The following FLI1 variants were observed in gnomAD, a reference collection of about 807,000 sequenced individuals.
The protein encoded by FLI1 is Friend leukemia integration 1 transcription factor.
In FLI1, 13 loss-of-function variants were observed where a neutral mutation model predicts 53.1. That is an observed-to-expected ratio of 0.24 (90% CI 0.16 to 0.39). The LOEUF (loss-of-function observed/expected upper bound fraction) is 0.39. Among genes scored for constraint, FLI1 ranks in the 10% least tolerant of loss-of-function variants. FLI1 has a pLI of 1.00. For synonymous variants in FLI1, 244 were observed against 236.7 expected (o/e 1.03, Z -0.28); for missense variants, 424 against 600.5 (o/e 0.71, Z 3.07).
At chr11:128,765,704 T>G (rs1941314749) in intron 2 of FLI1, among the ~76,000 whole-genome samples, 1 of 152,216 alleles carries the variant, frequency 6.6e-6, no homozygotes. Flanking sequence ...TTCAAACTTC[T>G]GCAGCACTTG....
chr11:128,726,469 A>T (rs2135745219), intron 1 of FLI1, among the ~76,000 whole-genome samples: 1 of 152,216 alleles, frequency 6.6e-6, no homozygotes. Flanking sequence ...ATCAAAGATG[A>T]AGACTGGAGA....
chr11:128,765,001 G>A (rs888078034), intron 2 of FLI1, among the ~76,000 whole-genome samples: 13 of 151,710 alleles, frequency 8.6e-5, no homozygotes, highest in African/African-American at 2.7e-4. Context: ...GCGGGCGAGC[G>A]GCCAAACCGA....
chr11:128,694,421 G>C (rs1287045099), intron 1 of FLI1, 145 bp downstream of exon 1: 4 of 629,308 alleles, frequency 6.4e-6, no homozygotes, highest in Non-Finnish European at 9.4e-6. Flanking sequence ...CTCCTCCGGC[G>C]CTCGGGTGGC....
At position 128,766,124 on chromosome 11, in the gene FLI1, G is replaced by C. The variant is rs1407524199; in HGVS notation, c.231-1994G>C. 3.9e-5 allele frequency among the ~76,000 whole-genome samples: 6 copies of C among 152,232 alleles called. No individual in the cohort carries two copies. In the East Asian group the frequency reaches 1.2e-3, roughly 29 times the overall value. ...CATGCATGTGTGTGAGTGTGTGCCT[G>C]CAGTTAGCCCCAGGGCGGGTGAGGG... On this transcript the variant is annotated intron_variant, in intron 2 of 8. Transcript: ENST00000527786.
intron 1 of FLI1, among the ~76,000 whole-genome samples, chr11:128,726,934 G>A (rs1338302584): frequency 6.6e-6 from 1 of 152,154 alleles, no homozygotes; most frequent in Non-Finnish European, 1.5e-5. Flanking sequence ...GGCTGGGGCA[G>A]AGGGGGGAAG....
At chr11:128,759,503 G>A (rs1322713345) in intron 2 of FLI1, among the ~76,000 whole-genome samples, 1 of 152,228 alleles carries the variant, frequency 6.6e-6, no homozygotes, top group Non-Finnish European at 1.5e-5. Context: ...TCGGAACTAA[G>A]TGATGATAGT....
At chr11:128,805,220 G>A (rs576550337) in intron 5 of FLI1, 146 bp from the exon 6 acceptor site, 38 of 550,788 alleles carry the variant, frequency 6.9e-5, no homozygotes, top group Admixed American at 4.7e-4. Flanking sequence ...ACCCCAGGGG[G>A]TGAGTACACT....
chr11:128,753,859 G>T (rs1271329333), intron 1 of FLI1, among the ~76,000 whole-genome samples: 1 of 152,186 alleles, frequency 6.6e-6, no homozygotes, highest in Non-Finnish European at 1.5e-5. Flanking sequence ...ACTACCAGTG[G>T]CATCATAAAA....
At chr11:128,714,810 G>A (rs1364455035) in intron 1 of FLI1, among the ~76,000 whole-genome samples, 1 of 146,608 alleles carries the variant, frequency 6.8e-6, no homozygotes, top group African/African-American at 2.5e-5. Context: ...CCAGGTTCAA[G>A]CAATTCTCCT....
intron 1 of FLI1, among the ~76,000 whole-genome samples, chr11:128,728,418 G>T (rs565835907): frequency 6.6e-6 from 1 of 152,396 alleles, no homozygotes; most frequent in South Asian, 2.1e-4. Context: ...GCACCTCTTA[G>T]CTGTGTCACC....
At chr11:128,787,862 G>A (rs983477282) in intron 5 of FLI1, among the ~76,000 whole-genome samples, 30 of 146,918 alleles carry the variant, frequency 2.0e-4, no homozygotes, top group Admixed American at 4.1e-4. Context: ...GCTGGAGTGC[G>A]GTGGCGTGAT....
rs768469579 is a variant in FLI1 at position 128,810,748 on chromosome 11, G to A, written c.1119G>A (p.Pro373=). ...HGIAQALQPH[P]TESSMYKYPS... Reference sequence around the variant, plus strand: ...TTGCCCAGGCTCTGCAGCCACATCCGACCGAGTCGTCCATGTACAAGTACC... The same window carrying A: ...TTGCCCAGGCTCTGCAGCCACATCCAACCGAGTCGTCCATGTACAAGTACC... The change falls in exon 9 of 9, where the codon CCG becomes CCA. Residue 373 remains proline (P), a synonymous_variant. Transcript: ENST00000527786. The surrounding 1 kb of genome is among the most constrained non-coding windows in gnomAD (Gnocchi z 6.6). 39 of 1,613,904 alleles carry A rather than the reference G, an allele frequency of 2.4e-5. No homozygotes were observed. The highest frequency in any genetic ancestry group is 1.3e-4 in the East Asian group (6 of 44,904).
chr11:128,800,968 A>G (rs1336427085), intron 5 of FLI1, among the ~76,000 whole-genome samples: 1 of 152,178 alleles, frequency 6.6e-6, no homozygotes, highest in Non-Finnish European at 1.5e-5. Context: ...CCTTCACGAC[A>G]GTGAAAAGTT....
In FLI1 at chr11:128,810,413, TG is replaced by T; in HGVS notation, c.830-43del. On this transcript the variant is annotated intron_variant, in intron 8 of 8. Transcript: ENST00000527786. This position sits in a 1 kb window ranked among gnomAD's most constrained non-coding sequence, Gnocchi z 6.6. ...TTAGGGAACTGGGTTCTGCCTTCTC[TG>T]GGCTGAGGTGTTCTGTTCTCTCCCG... 6.5e-7 allele frequency: 1 copy of T among 1,529,422 alleles called. No individual in the cohort carries two copies. Among genetic ancestry groups the T allele is most frequent in the Non-Finnish European group, 8.8e-7 (1 of 1,140,448 alleles). 94.7% of individuals were successfully genotyped at this position (1,529,422 alleles called of 1,614,324 possible). A position where few individuals can be genotyped will look rare whatever the true frequency, so the allele number is the denominator to read the frequency against.
At chr11:128,704,918 A>C (rs539444954) in intron 1 of FLI1, among the ~76,000 whole-genome samples, 2 of 152,366 alleles carry the variant, frequency 1.3e-5, no homozygotes, top group African/African-American at 4.8e-5. Flanking sequence ...ATATCTATTC[A>C]AACCTTTAAG....
intron 1 of FLI1, among the ~76,000 whole-genome samples, chr11:128,705,278 C>T (rs1938500573): frequency 6.6e-6 from 1 of 152,190 alleles, no homozygotes; most frequent in Admixed American, 6.5e-5. Flanking sequence ...GGCCTATTTC[C>T]CAGGTAAGAA....
intron 5 of FLI1, among the ~76,000 whole-genome samples, chr11:128,787,019 G>A (rs1390103766): frequency 6.6e-6 from 1 of 152,184 alleles, no homozygotes; most frequent in African/African-American, 2.4e-5. Context: ...CTTGGCTGAT[G>A]GATAAAAAGT....
At chr11:128,746,634 C>A (rs1219640063) in intron 1 of FLI1, among the ~76,000 whole-genome samples, 2 of 152,206 alleles carry the variant, frequency 1.3e-5, no homozygotes, top group Non-Finnish European at 2.9e-5. Flanking sequence ...AATAGGAAAG[C>A]TCCGGAACTC....
chr11:128,706,227 A>G (rs1287906160), intron 1 of FLI1, among the ~76,000 whole-genome samples: 1 of 152,212 alleles, frequency 6.6e-6, no homozygotes, highest in Non-Finnish European at 1.5e-5. Flanking sequence ...ATAGGAGAAG[A>G]AGCTTCAAGG....
Sources: gnomAD v4.1 joint callset for allele counts (sites outside exome capture counted in the v4.1 genomes callset) on GRCh38, gnomAD v4.1.1 for gene constraint, Gnocchi (gnomAD v3.1) non-coding constraint, MANE v1.5 for transcripts, NCBI Gene and HGNC (gene_info 2026-07-23, HGNC 2026-07-21) for gene names.